Variants in TMEM240 observed in about 807,000 individuals in gnomAD.
TMEM240 encodes the protein transmembrane protein 240.
A neutral mutation model predicts 19.5 loss-of-function variants in TMEM240; 3 were observed. The ratio of observed to expected loss-of-function variants is 0.15; its 90% CI spans 0.07 to 0.40. The LOEUF (loss-of-function observed/expected upper bound fraction) is 0.40, where lower values mean the gene tolerates loss of function less well. Ranked by LOEUF, TMEM240 falls within the 10% of genes least tolerant of loss-of-function variation. The probability of loss-of-function intolerance (pLI) is 1.00; values close to 1 mark genes in which losing one functional copy is unlikely to be tolerated. For missense variants in TMEM240, 210 were observed against 253.5 expected (o/e 0.83, Z 1.17); for synonymous variants, 123 against 109.3 (o/e 1.13, Z -0.78).
At position 1,535,886 on chromosome 1, in the gene TMEM240, C is replaced by T. The variant is rs999233152; in HGVS notation, c.165-89G>A. On this transcript the variant is annotated intron_variant, in intron 2 of 3. Coordinates refer to ENST00000378733, the MANE Select transcript of TMEM240 (RefSeq NM_001114748.2). The surrounding 1 kb of genome is among the most constrained non-coding windows in gnomAD (Gnocchi z 8.2). ...GCCTACCCCGTGGTGGGGGTGTGAC[C>T]GCGTCAGGCCGCCCTGGGGGTTCTC... is the stretch of plus-strand genomic sequence containing the variant. 72 of 789,638 alleles carry T rather than the reference C, an allele frequency of 9.1e-5. No individual in the cohort carries two copies. The highest frequency in any genetic ancestry group is 3.6e-4 in the East Asian group (6 of 16,542). 48.9% of individuals were successfully genotyped at this position (789,638 alleles called of 1,614,324 possible).
rs376390462 is a variant in TMEM240, at chr1:1,535,666, C to A, written c.296G>T (p.Cys99Phe). 65 of 1,550,184 alleles carry A rather than the reference C, an allele frequency of 4.2e-5. No individual in the cohort carries two copies. The African/African-American group carries it at 8.2e-4, about 20-fold the overall frequency. Residue 99 changes from cysteine (C) to phenylalanine (F), a missense_variant, in exon 3 of 4, where the codon TGC becomes TTC. Transcript: ENST00000378733. The surrounding 1 kb of genome is among the most constrained non-coding windows in gnomAD (Gnocchi z 8.2). ...DLMLGLLLGFCISWFLVWMDG... is the reference protein window; with the variant it reads ...DLMLGLLLGFFISWFLVWMDG... ...CATCCACACCAGGAACCAGCTGATG[C>A]AAAAGCCCAGCAGCAGCCCCAGCAT...
rs1642215211 is a variant in TMEM240 at position 1,536,074 on chromosome 1, C to G, written c.165-277G>C. ...CCAGCTGCCGGCGAGGGTGTCGGCC[C>G]TCACTCAGCACCTCCTCCCTGAGGC... On this transcript the variant is annotated intron_variant, in intron 2 of 3. Transcript: ENST00000378733. This position sits in a 1 kb window ranked among gnomAD's most constrained non-coding sequence, Gnocchi z 5.4. Among the ~76,000 whole-genome samples, 1 of 152,062 alleles carries G rather than the reference C, an allele frequency of 6.6e-6. No individual in the cohort carries two copies. The highest frequency in any genetic ancestry group is 2.4e-5 in the African/African-American group (1 of 41,388).
chr1:1,535,021 G>A lies in TMEM240; in HGVS notation c.*338C>T, dbSNP rs1009666071. On this transcript the variant is annotated 3_prime_UTR_variant, in exon 4 of 4. Coordinates refer to ENST00000378733, the MANE Select transcript of TMEM240 (RefSeq NM_001114748.2). This position sits in a 1 kb window ranked among gnomAD's most constrained non-coding sequence, Gnocchi z 8.2. ...AAACAGATGCTGGCCCGGGCCGCGC[G>A]CCTCGCCGCCCCTGCCCCCACCTGC... 6.1e-5 allele frequency among the ~76,000 whole-genome samples: 9 copies of A among 147,848 alleles called. No homozygotes were observed. Among genetic ancestry groups the A allele is most frequent in the Non-Finnish European group, 9.0e-5 (6 of 66,982 alleles).
At position 1,535,340 on chromosome 1, in the gene TMEM240, C is replaced by G; in HGVS notation, c.*19G>C. ...CAGCAGCCGGTTGGCTCGGTGGCCC[C>G]GGTAAGTCCCCGTGCGGCTCACAGG... On this transcript the variant is annotated 3_prime_UTR_variant, in exon 4 of 4. Coordinates refer to ENST00000378733, the MANE Select transcript of TMEM240 (RefSeq NM_001114748.2). The surrounding 1 kb of genome is among the most constrained non-coding windows in gnomAD (Gnocchi z 8.2). The G allele has an allele frequency of 1.3e-6, 2 of 1,547,680 alleles. No individual in the cohort carries two copies. The highest frequency in any genetic ancestry group is 1.7e-6 in the Non-Finnish European group (2 of 1,145,620).
In TMEM240 at chr1:1,536,287, C is replaced by G. The variant is rs975475279; in HGVS notation, c.165-490G>C. Among the ~76,000 whole-genome samples, 1 of 152,178 alleles carries G rather than the reference C, an allele frequency of 6.6e-6. No homozygotes were observed. The highest frequency in any genetic ancestry group is 6.5e-5 in the Admixed American group (1 of 15,292). On this transcript the variant is annotated intron_variant, in intron 2 of 3. Transcript: ENST00000378733. This position sits in a 1 kb window ranked among gnomAD's most constrained non-coding sequence, Gnocchi z 5.4. ...AGCCACTCCCATGCACCCTTCCCCCCGCTGCTGTGCCCTTTCCTCCACGGC... is the reference window on the plus strand; with the variant it reads ...AGCCACTCCCATGCACCCTTCCCCCGGCTGCTGTGCCCTTTCCTCCACGGC...
intron 2 of TMEM240, 55 bp downstream of exon 2, chr1:1,539,629 C>A (rs1196797306): frequency 6.8e-7 from 1 of 1,478,636 alleles, no homozygotes; most frequent in Non-Finnish European, 9.2e-7. Context: ...CCCGAGTGGG[C>A]CCCGCCACAC....
Position 1,535,525 on chromosome 1 carries a change from C to G in TMEM240, c.374-18G>C, listed in dbSNP as rs770496430. The G allele has an allele frequency of 5.2e-6, 8 of 1,538,378 alleles. No homozygotes were observed. In the East Asian group the frequency reaches 1.7e-4, roughly 33 times the overall value. On this transcript the variant is annotated intron_variant, in intron 3 of 3. Coordinates refer to ENST00000378733, the MANE Select transcript of TMEM240 (RefSeq NM_001114748.2). This position sits in a 1 kb window ranked among gnomAD's most constrained non-coding sequence, Gnocchi z 8.2. The stretch of plus-strand genomic sequence containing the variant: ...CGAGCCATCTGCGGGGGGACAGGGG[C>G]GGTCAGGCGGCTGGGGCCGGCCAGG...
Position 1,535,906 on chromosome 1 carries a change from GTTCTCTGAA to G in TMEM240, c.165-118_165-110del. 2.2e-6 allele frequency: 1 copy of G among 464,396 alleles called. No homozygotes were observed. Among genetic ancestry groups the G allele is most frequent in the Non-Finnish European group, 4.1e-6 (1 of 244,970 alleles). 28.8% of individuals were successfully genotyped at this position (464,396 alleles called of 1,614,324 possible). On this transcript the variant is annotated intron_variant, in intron 2 of 3. Coordinates refer to ENST00000378733, the MANE Select transcript of TMEM240 (RefSeq NM_001114748.2). The surrounding 1 kb of genome is among the most constrained non-coding windows in gnomAD (Gnocchi z 8.2). ...GTGACCGCGTCAGGCCGCCCTGGGG[GTTCTCTGAA>G]GCAGCCTCTTGGGCGGGCGGGTCGG... is the stretch of plus-strand genomic sequence containing the variant.
At position 1,535,754 on chromosome 1, in the gene TMEM240, C is replaced by T. The variant is rs916649408; in HGVS notation, c.208G>A (p.Val70Met). Residue 70 changes from valine (V) to methionine (M), a missense_variant, in exon 3 of 4, where the codon GTG becomes ATG. Val to Met is a conservative substitution (Grantham distance 21). Transcript: ENST00000378733. This position sits in a 1 kb window ranked among gnomAD's most constrained non-coding sequence, Gnocchi z 8.2. ...AAGTAGTTCTCGGAGGCGTCCACCA[C>T]CGACTGGTCCCCGTCGTACGGGATC... ...YVIPYDGDQS[V>M]VDASENYFVT... The T allele has an allele frequency of 1.3e-6, 2 of 1,550,292 alleles. No individual in the cohort carries two copies. Among genetic ancestry groups the T allele is most frequent in the South Asian group, 1.2e-5 (1 of 84,062 alleles).
chr1:1,537,148 A>T (rs1642235006), intron 2 of TMEM240, among the ~76,000 whole-genome samples: 1 of 151,850 alleles, frequency 6.6e-6, no homozygotes, highest in Non-Finnish European at 1.5e-5. Flanking sequence ...GCCCAGGAAC[A>T]GGGAGGAGGT....
chr1:1,538,226 A>G (rs998374122), intron 2 of TMEM240, among the ~76,000 whole-genome samples: 3 of 152,214 alleles, frequency 2.0e-5, no homozygotes, highest in African/African-American at 7.2e-5. Flanking sequence ...GAACGTACAT[A>G]TCCTGTATGT....
chr1:1,535,517 G>GA lies in TMEM240; in HGVS notation c.374-11dup, dbSNP rs975766887. 1.3e-6 allele frequency: 2 copies of GA among 1,541,924 alleles called. No individual in the cohort carries two copies. The highest frequency in any genetic ancestry group is 1.8e-6 in the Non-Finnish European group (2 of 1,142,624). On this transcript the variant is annotated splice_polypyrimidine_tract_variant and intron_variant, in intron 3 of 3. Coordinates refer to ENST00000378733, the MANE Select transcript of TMEM240 (RefSeq NM_001114748.2). This position sits in a 1 kb window ranked among gnomAD's most constrained non-coding sequence, Gnocchi z 8.2. ...CAGGTCCACGAGCCATCTGCGGGGG[G>GA]ACAGGGGCGGTCAGGCGGCTGGGGC...
chr1:1,538,438 T>C (rs1164802957), intron 2 of TMEM240, among the ~76,000 whole-genome samples: 1 of 152,248 alleles, frequency 6.6e-6, no homozygotes, highest in Non-Finnish European at 1.5e-5. Context: ...GAGCCCTCAG[T>C]GTGCTGCCAC....
Position 1,535,638 on chromosome 1 carries a change from G to A in TMEM240, c.324C>T (p.Asp108=), listed in dbSNP as rs773451198. The A allele has an allele frequency of 2.5e-5, 39 of 1,549,746 alleles. No homozygotes were observed. The highest frequency in any genetic ancestry group is 2.0e-4 in the Admixed American group (10 of 50,966). ...FCISWFLVWM[D]GVLHCAVRAW... ...CGCGCACGGCGCAGTGCAGGACGCC[G>A]TCCATCCACACCAGGAACCAGCTGA... Residue 108 remains aspartate (D), a synonymous_variant, in exon 3 of 4, where the codon GAC becomes GAT. Transcript: ENST00000378733. The surrounding 1 kb of genome is among the most constrained non-coding windows in gnomAD (Gnocchi z 8.2).
intron 2 of TMEM240, among the ~76,000 whole-genome samples, chr1:1,537,966 GA>G (rs1228812854): frequency 1.3e-5 from 2 of 152,208 alleles, no homozygotes; most frequent in African/African-American, 4.8e-5. Context: ...AGGCACGTAT[GA>G]GGCCTACACA....
Position 1,535,176 on chromosome 1 carries a change from C to T in TMEM240, c.*183G>A, listed in dbSNP as rs1414776436. 4.5e-6 allele frequency: 3 copies of T among 673,272 alleles called. No individual in the cohort carries two copies. The highest frequency in any genetic ancestry group is 7.4e-6 in the Non-Finnish European group (3 of 405,464). The allele number at this position is 673,272 out of a possible 1,614,324, so 41.7% of individuals were successfully genotyped here. A position where few individuals can be genotyped will look rare whatever the true frequency, so the allele number is the denominator to read the frequency against. ...CCCAACCCCCACCCTAGCCCACACCCCAACCCCCTTTATAAAAAGAAGAGA... is the reference window on the plus strand; with the variant it reads ...CCCAACCCCCACCCTAGCCCACACCTCAACCCCCTTTATAAAAAGAAGAGA... On this transcript the variant is annotated 3_prime_UTR_variant, in exon 4 of 4. Coordinates refer to ENST00000378733, the MANE Select transcript of TMEM240 (RefSeq NM_001114748.2). This position sits in a 1 kb window ranked among gnomAD's most constrained non-coding sequence, Gnocchi z 8.2.
At chr1:1,539,825 CG>C (rs777507275) in intron 1 of TMEM240, 35 bp from the exon 2 acceptor site, 101 of 1,196,674 alleles carry the variant, frequency 8.4e-5, no homozygotes, top group Non-Finnish European at 1.0e-4. Context: ...CGCCAAGGAG[CG>C]GGCGGGACGA....
Position 1,536,700 on chromosome 1 carries a change from G to A in TMEM240, c.165-903C>T, listed in dbSNP as rs932509475. 3.3e-5 allele frequency among the ~76,000 whole-genome samples: 5 copies of A among 152,168 alleles called. No homozygotes were observed. Among genetic ancestry groups the A allele is most frequent in the Admixed American group, 2.6e-4 (4 of 15,298 alleles). ...TCTCCGGGCCTTGACTCTGCCGATC[G>A]GACTGGCATCCCAGACAGTCAACTC... On this transcript the variant is annotated intron_variant, in intron 2 of 3. Coordinates refer to ENST00000378733, the MANE Select transcript of TMEM240 (RefSeq NM_001114748.2). This position sits in a 1 kb window ranked among gnomAD's most constrained non-coding sequence, Gnocchi z 5.4.
intron 2 of TMEM240, among the ~76,000 whole-genome samples, chr1:1,538,280 A>G (rs1304218322): frequency 6.6e-6 from 1 of 152,230 alleles, no homozygotes; most frequent in African/African-American, 2.4e-5. Flanking sequence ...ACACGCAGCA[A>G]TACCGTCTAC....
Sources: gnomAD v4.1 joint callset for allele counts (sites outside exome capture counted in the v4.1 genomes callset) on GRCh38, gnomAD v4.1.1 for gene constraint, Gnocchi (gnomAD v3.1) non-coding constraint, MANE v1.5 for transcripts, NCBI Gene and HGNC (gene_info 2026-07-23, HGNC 2026-07-21) for gene names.